The following WDR90 variants were observed in gnomAD, a reference collection of about 807,000 sequenced individuals.
WDR90 encodes the protein WD repeat-containing protein 90.
In WDR90, 238 loss-of-function variants were observed where a neutral mutation model predicts 195.2. That is an observed-to-expected ratio of 1.22 (90% CI 1.10 to 1.36). The LOEUF (loss-of-function observed/expected upper bound fraction) is 1.36, where lower values mean the gene tolerates loss of function less well. WDR90 is among the 40% of genes most tolerant of loss of function. The pLI is 0.00. For missense variants in WDR90, 2,734 were observed against 2,439.5 expected (o/e 1.12, Z -2.54); for synonymous variants, 1,265 against 1,052.4 (o/e 1.20, Z -3.91).
At position 650,055 on chromosome 16, in the gene WDR90, A is replaced by T; in HGVS notation, c.167A>T (p.Gln56Leu). ...TCAGTCTCTGCCGCCAACTACATCCAGCTCCCTAAGAGCAGCACCCAGTCT... is the reference window on the plus strand; with the variant it reads ...TCAGTCTCTGCCGCCAACTACATCCTGCTCCCTAAGAGCAGCACCCAGTCT... ...RGSVSAANYIQLPKSSTQSLG... is the reference protein window; with the variant it reads ...RGSVSAANYILLPKSSTQSLG... The change falls in exon 3 of 41, where the codon CAG becomes CTG. Residue 56 changes from glutamine to leucine, a missense_variant. By Grantham distance (113) the Gln-to-Leu change is moderately radical (BLOSUM62 -2). Coordinates refer to ENST00000293879, the MANE Select transcript of WDR90 (RefSeq NM_145294.5). 1 of 1,612,874 alleles carries T rather than the reference A, an allele frequency of 6.2e-7. No individual in the cohort carries two copies. Among genetic ancestry groups the T allele is most frequent in the Non-Finnish European group, 8.5e-7 (1 of 1,179,968 alleles).
At chr16:662,183 G>T (rs1477385181) in intron 32 of WDR90, 37 bp from the exon 33 acceptor site, 1 of 1,517,750 alleles carries the variant, frequency 6.6e-7, no homozygotes, top group Non-Finnish European at 8.8e-7. Flanking sequence ...CCTCTGGGAA[G>T]GCAGCCGTGG....
In WDR90 at chr16:662,287, C is replaced by T. The variant is rs747145605; in HGVS notation, c.4101C>T (p.Ala1367=). The T allele has an allele frequency of 3.7e-5, 58 of 1,582,756 alleles. No individual in the cohort carries two copies. Among genetic ancestry groups the T allele is most frequent in the South Asian group, 1.3e-4 (11 of 87,330 alleles). ...GCACGGGGCGGCTGCGCCTGTGGGCCGTGGGGGCTGTGTCGGAGCTGAGGT... is the reference window on the plus strand; with the variant it reads ...GCACGGGGCGGCTGCGCCTGTGGGCTGTGGGGGCTGTGTCGGAGCTGAGGT... The part of the protein sequence containing the change: ...GSSTGRLRLW[A]VGAVSELRCK... Residue 1367 remains alanine (A), a synonymous_variant, in exon 33 of 41, where the codon GCC becomes GCT. Coordinates refer to ENST00000293879, the MANE Select transcript of WDR90 (RefSeq NM_145294.5).
In WDR90 at chr16:656,850, C is replaced by T. The variant is rs2037766748; in HGVS notation, c.2321C>T (p.Ala774Val). Reference sequence around the variant, plus strand: ...GTGCGCTCCTTCAGCCTGGAGGCCGCTGAGGTCCTGGTGGAACACACGTAA... The same window carrying T: ...GTGCGCTCCTTCAGCCTGGAGGCCGTTGAGGTCCTGGTGGAACACACGTAA... Reference protein sequence around the residue: ...GAVRSFSLEAAEVLVEHTCHR... With the variant: ...GAVRSFSLEAVEVLVEHTCHR... The change falls in exon 19 of 41, where the codon GCT becomes GTT. Residue 774 changes from alanine (A) to valine (V), a missense_variant. Coordinates refer to ENST00000293879, the MANE Select transcript of WDR90 (RefSeq NM_145294.5). The T allele has an allele frequency of 6.2e-7, 1 of 1,612,776 alleles. No homozygotes were observed. Among genetic ancestry groups the T allele is most frequent in the Admixed American group, 1.7e-5 (1 of 59,990 alleles).
At chr16:652,306 C>A in intron 9 of WDR90, 161 bp from the exon 10 acceptor site, 1 of 911,200 alleles carries the variant, frequency 1.1e-6, no homozygotes. Context: ...CAACTGGAGT[C>A]CCAGCTTCCA....
rs530949281 is a variant in WDR90 at position 660,224 on chromosome 16, T to C, written c.3288+63T>C. 3.2e-5 allele frequency: 45 copies of C among 1,385,546 alleles called. 2 individuals are homozygous for C. The South Asian group carries it at 6.3e-4, about 19-fold the overall frequency. 85.8% of individuals were successfully genotyped at this position (1,385,546 alleles called of 1,614,324 possible). A position where few individuals can be genotyped will look rare whatever the true frequency, so the allele number is the denominator to read the frequency against. ...CAAGCACAGAGGCCCCCCGCAGGGC[T>C]CCCCAGCACCTCCTCAGGGTTGCTT... On this transcript the variant is annotated intron_variant, in intron 27 of 40. Transcript: ENST00000293879.
rs1317540039 is a variant in WDR90, at chr16:655,433, C to G, written c.1683C>G (p.Ala561=). 1 of 1,569,746 alleles carries G rather than the reference C, an allele frequency of 6.4e-7. No homozygotes were observed. The highest frequency in any genetic ancestry group is 8.6e-7 in the Non-Finnish European group (1 of 1,161,414). ...TCACCGACCTGGCCTTCAAGCAGGC[C>G]CGGGACGGCTGCCCGGAGCCCTCGG... ...LQFTDLAFKQ[A]RDGCPEPSAA... is the part of the protein sequence containing the mutation. Residue 561 remains alanine, a synonymous_variant, in exon 15 of 41, where the codon GCC becomes GCG. Transcript: ENST00000293879.
chr16:664,421 C>T (rs767608111), intron 34 of WDR90, among the ~76,000 whole-genome samples: 7 of 152,158 alleles, frequency 4.6e-5, no homozygotes, highest in African/African-American at 1.7e-4. Flanking sequence ...TTCCATTGTA[C>T]GGATAGATCA....
At chr16:649,889 C>T (rs755209044) in intron 2 of WDR90, 35 bp downstream of exon 2, 7 of 1,578,228 alleles carry the variant, frequency 4.4e-6, no homozygotes, top group Non-Finnish European at 6.0e-6. Context: ...AGCCCACACC[C>T]CTGCCCTGCC....
In WDR90 at chr16:661,220, G is replaced by A. The variant is rs896316366; in HGVS notation, c.3513+48G>A. 1.6e-5 allele frequency: 24 copies of A among 1,514,946 alleles called. No individual in the cohort carries two copies. The African/African-American group carries it at 3.0e-4, about 19-fold the overall frequency. The allele number at this position is 1,514,946 out of a possible 1,614,324, so 93.8% of individuals were successfully genotyped here. A position where few individuals can be genotyped will look rare whatever the true frequency, so the allele number is the denominator to read the frequency against. ...TCCTCTCCCAGGGCCACCGTGCCCG[G>A]CAGAACCCAGCTCCCGGACCGGTGC... On this transcript the variant is annotated intron_variant, in intron 29 of 40. Transcript: ENST00000293879.
Position 662,034 on chromosome 16 carries a change from C to T in WDR90, c.4008C>T (p.Ser1336=). ...WDTRAGRCFL[S]WEADDGGIGL... is the part of the protein sequence containing the mutation. ...CGCGTGCCGGCCGCTGCTTCTTGTC[C>T]TGGGAGGCGGATGACGGTGGCATTG... Residue 1336 remains serine (S), a synonymous_variant, in exon 32 of 41, where the codon TCC becomes TCT. Coordinates refer to ENST00000293879, the MANE Select transcript of WDR90 (RefSeq NM_145294.5). 1.2e-6 allele frequency: 2 copies of T among 1,602,544 alleles called. No homozygotes were observed. Among genetic ancestry groups the T allele is most frequent in the African/African-American group, 1.3e-5 (1 of 75,044 alleles).
In WDR90 at chr16:658,331, G is replaced by A. The variant is rs201443769; in HGVS notation, c.2753G>A (p.Arg918His). Residue 918 changes from arginine to histidine, a missense_variant, in exon 22 of 41, where the codon CGC (arginine) becomes CAC (histidine). By Grantham distance (29) the Arg-to-His change is conservative. Coordinates refer to ENST00000293879, the MANE Select transcript of WDR90 (RefSeq NM_145294.5). The stretch of plus-strand genomic sequence containing the variant: ...GTGGTGCTGGATGCTGTGTCGGGCC[G>A]CATCATCCGGGAGGTGAGCCTCAGG... Reference protein sequence around the residue: ...RVVVLDAVSGRIIRELPGVHP... With the variant: ...RVVVLDAVSGHIIRELPGVHP... 84 of 1,612,170 alleles carry A rather than the reference G, an allele frequency of 5.2e-5. No individual in the cohort carries two copies. The highest frequency in any genetic ancestry group is 6.9e-5 in the Non-Finnish European group (81 of 1,179,798).
chr16:657,649 T>C (rs2037788815), intron 20 of WDR90, 113 bp from the exon 21 acceptor site: 1 of 1,375,560 alleles, frequency 7.3e-7, no homozygotes, highest in Non-Finnish European at 9.5e-7. Context: ...GCGTCTGTGC[T>C]CCGGGGCTGG....
chr16:658,450 C>A, intron 22 of WDR90, 75 bp from the exon 23 acceptor site: 1 of 1,578,138 alleles, frequency 6.3e-7, no homozygotes, highest in Admixed American at 1.7e-5. Flanking sequence ...GTCGCCACAC[C>A]CACAACGAAG....
At chr16:650,837 C>T in intron 5 of WDR90, 128 bp downstream of exon 5, 1 of 1,484,474 alleles carries the variant, frequency 6.7e-7, no homozygotes, top group Non-Finnish European at 9.2e-7. Context: ...CTGGCCAGAA[C>T]CCATCCCAGA....
At chr16:660,948 C>T (rs1188155145) in intron 28 of WDR90, 103 bp from the exon 29 acceptor site, 7 of 405,330 alleles carry the variant, frequency 1.7e-5, no homozygotes, top group Non-Finnish European at 2.0e-5. Context: ...CCCCGCCCCA[C>T]GGCTCGGCCC....
At position 650,329 on chromosome 16, in the gene WDR90, C is replaced by T; in HGVS notation, c.355C>T (p.Pro119Ser). The T allele has an allele frequency of 6.2e-7, 1 of 1,612,936 alleles. No individual in the cohort carries two copies. The highest frequency in any genetic ancestry group is 8.5e-7 in the Non-Finnish European group (1 of 1,179,976). The change falls in exon 4 of 41, where the codon CCC becomes TCC. Residue 119 changes from proline to serine, a missense_variant. Coordinates refer to ENST00000293879, the MANE Select transcript of WDR90 (RefSeq NM_145294.5). Reference protein sequence around the residue: ...FKSTATWLQFPLVLEARTPQR... With the variant: ...FKSTATWLQFSLVLEARTPQR... ...GTCTACGGCCACGTGGCTCCAGTTT[C>T]CCTTGGTCCTGGAGGCCAGGACACC...
intron 26 of WDR90, 117 bp downstream of exon 26, chr16:659,493 C>T (rs1038947016): frequency 1.2e-5 from 16 of 1,354,058 alleles, no homozygotes; most frequent in Admixed American, 6.1e-5. Context: ...CATCGCTGCT[C>T]ATCAGGTGGA....
Position 661,187 on chromosome 16 carries a change from C to A in WDR90, c.3513+15C>A. 1 of 1,529,004 alleles carries A rather than the reference C, an allele frequency of 6.5e-7. No homozygotes were observed. The highest frequency in any genetic ancestry group is 1.2e-5 in the South Asian group (1 of 82,800). The allele number at this position is 1,529,004 out of a possible 1,614,324, so 94.7% of individuals were successfully genotyped here. ...ACAGTGCCCAGGTGCCCGCCTGCAT[C>A]GCCCTCCTCCTCTCCCAGGGCCACC... On this transcript the variant is annotated intron_variant, in intron 29 of 40. Transcript: ENST00000293879.
intron 32 of WDR90, 61 bp from the exon 33 acceptor site, chr16:662,159 C>T (rs2037930693): frequency 6.6e-7 from 1 of 1,523,350 alleles, no homozygotes; most frequent in African/African-American, 1.4e-5. Context: ...TCCGGGCAGC[C>T]TTGTGACCCA....
Sources: gnomAD v4.1 joint callset for allele counts (sites outside exome capture counted in the v4.1 genomes callset) on GRCh38, gnomAD v4.1.1 for gene constraint, MANE v1.5 for transcripts, NCBI Gene and HGNC (gene_info 2026-07-23, HGNC 2026-07-21) for gene names.